MAP3K1: variants seen among roughly 807,000 people sequenced by gnomAD.
MAP3K1 encodes MAP/ERK kinase kinase 1.
Under a neutral mutation model 144.2 loss-of-function variants are expected in MAP3K1, and 36 were observed. That is an observed-to-expected ratio of 0.25 (90% CI 0.19 to 0.33). The LOEUF is 0.33. MAP3K1 is among the 10% of genes least tolerant of loss of function. The pLI is 1.00. For synonymous variants in MAP3K1, 718 were observed against 688.7 expected (o/e 1.04, Z -0.67); for missense variants, 1,650 against 1,881.9 (o/e 0.88, Z 2.28).
chr5:56,826,188 T>C (rs1746308608), intron 1 of MAP3K1, among the ~76,000 whole-genome samples: 1 of 152,090 alleles, frequency 6.6e-6, no homozygotes, highest in African/African-American at 2.4e-5. Context: ...TGAGGTTTTG[T>C]TTGTTTTGTT....
intron 1 of MAP3K1, among the ~76,000 whole-genome samples, chr5:56,819,182 AT>A (rs1561159238): frequency 6.6e-6 from 1 of 152,142 alleles, no homozygotes; most frequent in Admixed American, 6.5e-5. Context: ...GCCAACTTTT[AT>A]TTTCTTTTCA....
chr5:56,831,741 A>G (rs1746501136), intron 1 of MAP3K1, among the ~76,000 whole-genome samples: 1 of 152,190 alleles, frequency 6.6e-6, no homozygotes, highest in Non-Finnish European at 1.5e-5. Context: ...TGACCTCACA[A>G]GAGTTAAGGA....
intron 19 of MAP3K1, among the ~76,000 whole-genome samples, chr5:56,892,967 CT>C (rs61590040): frequency 0.021 from 3,142 of 150,362 alleles, 107 homozygotes; most frequent in African/African-American, 0.073. Context: ...AATAAAATTT[CT>C]TTTTTTTTAA....
rs537279084 is a variant in MAP3K1, at chr5:56,837,618, G to T, written c.483-18982G>T. On this transcript the variant is annotated intron_variant, in intron 1 of 19. Transcript: ENST00000399503. ...CAAATACTGGGCATTTGGGAGTCTGGATGAAAGATGAGTAAGACAAAGGCT... is the reference window on the plus strand; with the variant it reads ...CAAATACTGGGCATTTGGGAGTCTGTATGAAAGATGAGTAAGACAAAGGCT... Among the ~76,000 whole-genome samples, 3 of 152,334 alleles carry T rather than the reference G, an allele frequency of 2.0e-5. No homozygotes were observed. In the East Asian group the frequency reaches 5.8e-4, roughly 29 times the overall value.
chr5:56,893,867 A>G lies in MAP3K1; in HGVS notation c.*187A>G. On this transcript the variant is annotated 3_prime_UTR_variant, in exon 20 of 20. Transcript: ENST00000399503. ...TCTGTACCTAAGCTCAGTATGCAAA[A>G]GCCCAAACTAGTGCAGAAACTGTAA... 1.6e-6 allele frequency: 1 copy of G among 639,214 alleles called. No individual in the cohort carries two copies. The highest frequency in any genetic ancestry group is 2.8e-6 in the Non-Finnish European group (1 of 361,966). The allele number at this position is 639,214 out of a possible 1,614,324, so 39.6% of individuals were successfully genotyped here.
intron 10 of MAP3K1, among the ~76,000 whole-genome samples, chr5:56,877,692 C>T (rs963720533): frequency 3.3e-5 from 5 of 152,162 alleles, no homozygotes; most frequent in African/African-American, 1.2e-4. Flanking sequence ...ACTCAAATCT[C>T]TTCAGTTGCC....
At chr5:56,821,249 G>A (rs1170130551) in intron 1 of MAP3K1, among the ~76,000 whole-genome samples, 1 of 152,192 alleles carries the variant, frequency 6.6e-6, no homozygotes, top group Non-Finnish European at 1.5e-5. Flanking sequence ...TACCAGGCTG[G>A]TTTGATGCAG....
intron 1 of MAP3K1, among the ~76,000 whole-genome samples, chr5:56,838,474 C>T (rs1218257561): frequency 6.6e-6 from 1 of 152,178 alleles, no homozygotes; most frequent in Non-Finnish European, 1.5e-5. Flanking sequence ...TCCAGGATCT[C>T]ATTGAAATGA....
At chr5:56,824,328 A>ACT (rs1199289380) in intron 1 of MAP3K1, among the ~76,000 whole-genome samples, 1 of 152,262 alleles carries the variant, frequency 6.6e-6, no homozygotes, top group Non-Finnish European at 1.5e-5. Context: ...TACACTTAGT[A>ACT]GAGTTCCCAG....
intron 1 of MAP3K1, among the ~76,000 whole-genome samples, chr5:56,848,188 A>G (rs183117052): frequency 3.4e-4 from 52 of 152,180 alleles, no homozygotes; most frequent in Middle Eastern, 3.4e-3. Flanking sequence ...ATTCCCTCTT[A>G]TTATAGTTAG....
At chr5:56,821,320 A>G (rs967115932) in intron 1 of MAP3K1, among the ~76,000 whole-genome samples, 1 of 152,200 alleles carries the variant, frequency 6.6e-6, no homozygotes, top group African/African-American at 2.4e-5. Context: ...GTTAAAACTC[A>G]CCAAGTGTAT....
chr5:56,887,332 A>G, intron 17 of MAP3K1, 46 bp from the exon 18 acceptor site: 1 of 1,605,430 alleles, frequency 6.2e-7, no homozygotes, highest in Non-Finnish European at 8.5e-7. Context: ...ATCTGTCCTT[A>G]TTTTTGTTTT....
At position 56,895,369 on chromosome 5, in the gene MAP3K1, T is replaced by A. The variant is rs994052482; in HGVS notation, c.*1689T>A. ...ACTTGACTTTCTTTTTTATTTTGTT[T>A]TTTTTTTTTTTTGACTACTTAGAAT... On this transcript the variant is annotated 3_prime_UTR_variant, in exon 20 of 20. Transcript: ENST00000399503. 4 of 189,904 alleles carry A rather than the reference T, an allele frequency of 2.1e-5. No homozygotes were observed. The highest frequency in any genetic ancestry group is 9.3e-5 in the African/African-American group (4 of 43,058). The allele number at this position is 189,904 out of a possible 1,614,324, so 11.8% of individuals were successfully genotyped here.
chr5:56,838,362 CATAA>C (rs1746716109), intron 1 of MAP3K1, among the ~76,000 whole-genome samples: 1 of 152,128 alleles, frequency 6.6e-6, no homozygotes, highest in Non-Finnish European at 1.5e-5. Flanking sequence ...CAGGAAAAGT[CATAA>C]GTCAAAACCT....
intron 1 of MAP3K1, among the ~76,000 whole-genome samples, chr5:56,848,575 G>T (rs930383258): frequency 7.9e-5 from 12 of 152,168 alleles, no homozygotes; most frequent in Non-Finnish European, 1.8e-4. Context: ...CAGTGATTGT[G>T]TGTTTACAGT....
At chr5:56,869,522 G>T (rs1747787845) in intron 6 of MAP3K1, among the ~76,000 whole-genome samples, 1 of 152,040 alleles carries the variant, frequency 6.6e-6, no homozygotes, top group Non-Finnish European at 1.5e-5. Context: ...GAGTTTAAGT[G>T]CAATTTTATA....
intron 1 of MAP3K1, among the ~76,000 whole-genome samples, chr5:56,836,864 G>A (rs1746671074): frequency 6.6e-6 from 1 of 152,128 alleles, no homozygotes. Context: ...CAAGTCTCAA[G>A]TCTTTTGATT....
chr5:56,892,671 C>T (rs1019689269), intron 19 of MAP3K1, among the ~76,000 whole-genome samples: 5 of 152,032 alleles, frequency 3.3e-5, no homozygotes, highest in Admixed American at 2.6e-4. Flanking sequence ...TTACCTTCAG[C>T]AGACACTCAC....
At chr5:56,891,129 C>G (rs1284812054) in intron 19 of MAP3K1, among the ~76,000 whole-genome samples, 1 of 60,974 alleles carries the variant, frequency 1.6e-5, no homozygotes, top group Admixed American at 1.5e-4. Flanking sequence ...CTCCACAAAA[C>G]ACACACAGAC....
Sources: allele counts gnomAD v4.1 joint callset (sites outside exome capture counted in the v4.1 genomes callset), GRCh38; gene constraint gnomAD v4.1.1; transcripts MANE v1.5; gene names NCBI Gene and HGNC (gene_info 2026-07-23, HGNC 2026-07-21).